Variants in PCDH15 observed in about 807,000 individuals in gnomAD.
PCDH15 encodes protocadherin related 15, also known as protocadherin-15.
A neutral mutation model predicts 178.5 loss-of-function variants in PCDH15; 129 were observed. The observed-to-expected ratio is 0.72, with a 90% CI of 0.63 to 0.84. PCDH15 has a LOEUF of 0.84. PCDH15 is among the 40% of genes least tolerant of loss of function. The pLI is 0.00. For synonymous variants in PCDH15, 800 were observed against 732.0 expected (o/e 1.09, Z -1.50); for missense variants, 2,230 against 2,099.9 (o/e 1.06, Z -1.21).
intron 2 of PCDH15, among the ~76,000 whole-genome samples, chr10:54,945,149 T>C (rs1458534597): frequency 1.3e-5 from 2 of 151,882 alleles, no homozygotes; most frequent in Admixed American, 6.6e-5. Flanking sequence ...TGTTGAAAGA[T>C]ACATAGAAAA....
intron 2 of PCDH15, among the ~76,000 whole-genome samples, chr10:55,571,961 TCTTG>T (rs1842414146): frequency 6.6e-6 from 1 of 152,094 alleles, no homozygotes; most frequent in African/African-American, 2.4e-5. Flanking sequence ...ATGCCACGTG[TCTTG>T]CTATAAACTT....
intron 15 of PCDH15, among the ~76,000 whole-genome samples, chr10:54,124,361 T>C (rs1158212005): frequency 6.6e-6 from 1 of 152,182 alleles, no homozygotes; most frequent in Non-Finnish European, 1.5e-5. Flanking sequence ...TAGTGTTTAC[T>C]GAGTACGGAG....
chr10:54,905,314 T>G (rs952960637), intron 2 of PCDH15, among the ~76,000 whole-genome samples: 111 of 152,250 alleles, frequency 7.3e-4, no homozygotes, highest in African/African-American at 2.6e-3. Flanking sequence ...TAATCATTAT[T>G]TTATCATCAT....
intron 2 of PCDH15, among the ~76,000 whole-genome samples, chr10:55,619,302 C>A (rs1843541220): frequency 6.6e-6 from 1 of 151,824 alleles, no homozygotes; most frequent in African/African-American, 2.4e-5. Context: ...AAAACTGCAT[C>A]AGAATTTTAA....
chr10:54,942,584 AT>A, intron 2 of PCDH15, among the ~76,000 whole-genome samples: 1 of 152,072 alleles, frequency 6.6e-6, no homozygotes, highest in East Asian at 1.9e-4. Flanking sequence ...CCTTAGTTGT[AT>A]TTTTCATACC....
chr10:55,127,000 GT>G (rs775165807), intron 2 of PCDH15, among the ~76,000 whole-genome samples: 10 of 151,638 alleles, frequency 6.6e-5, no homozygotes, highest in East Asian at 1.9e-4. Context: ...TCCTTCAGGT[GT>G]CCCCCCACCC....
At position 53,806,436 on chromosome 10, in the gene PCDH15, T is replaced by TC. The variant is rs1841161413; in HGVS notation, c.*142_*143insG. ...AACAATGTGAGTGCAAATCTGTCTC[T>TC]TAAAATTTTAAAGCATATTGTTCAA... is the stretch of plus-strand genomic sequence containing the variant. On this transcript the variant is annotated 3_prime_UTR_variant, in exon 38 of 38. Coordinates refer to ENST00000644397, the MANE Select transcript of PCDH15 (RefSeq NM_001384140.1). 1 of 726,212 alleles carries TC rather than the reference T, an allele frequency of 1.4e-6. No individual in the cohort carries two copies. Among genetic ancestry groups the TC allele is most frequent in the African/African-American group, 1.8e-5 (1 of 56,326 alleles). 45.0% of individuals were successfully genotyped at this position (726,212 alleles called of 1,614,324 possible). A position where few individuals can be genotyped will look rare whatever the true frequency, so the allele number is the denominator to read the frequency against.
chr10:55,359,657 T>C (rs1240076416), intron 2 of PCDH15, among the ~76,000 whole-genome samples: 1 of 145,968 alleles, frequency 6.9e-6, no homozygotes, highest in Non-Finnish European at 1.5e-5. Context: ...TTATTCACAA[T>C]CACCAAGATA....
At chr10:54,649,979 A>G (rs2094218026) in intron 2 of PCDH15, among the ~76,000 whole-genome samples, 1 of 152,114 alleles carries the variant, frequency 6.6e-6, no homozygotes. Context: ...ATTAATCACA[A>G]ATTGGGTCAT....
intron 20 of PCDH15, among the ~76,000 whole-genome samples, chr10:54,010,833 C>A (rs1300408459): frequency 2.6e-5 from 4 of 152,162 alleles, no homozygotes; most frequent in Non-Finnish European, 5.9e-5. Flanking sequence ...CTCGGGAGCA[C>A]GGAACAGCCA....
At chr10:55,486,581 G>A (rs1840303333) in intron 2 of PCDH15, among the ~76,000 whole-genome samples, 1 of 151,596 alleles carries the variant, frequency 6.6e-6, no homozygotes, top group Admixed American at 6.6e-5. Context: ...TTGGAAAGAG[G>A]TAATGAACAT....
intron 2 of PCDH15, among the ~76,000 whole-genome samples, chr10:54,608,547 G>A (rs2092849232): frequency 6.6e-6 from 1 of 151,906 alleles, no homozygotes; most frequent in Non-Finnish European, 1.5e-5. Context: ...GGATATCTAG[G>A]CTGCAGTGAT....
chr10:53,924,277 G>A (rs866694551), intron 25 of PCDH15, among the ~76,000 whole-genome samples: 3 of 152,304 alleles, frequency 2.0e-5, no homozygotes, highest in Non-Finnish European at 2.9e-5. Flanking sequence ...CACTCAGAGC[G>A]GCCGGCTGGC....
intron 2 of PCDH15, among the ~76,000 whole-genome samples, chr10:54,980,301 A>G (rs1159395028): frequency 2.6e-5 from 4 of 152,188 alleles, no homozygotes; most frequent in Non-Finnish European, 4.4e-5. Context: ...ACACATATCT[A>G]TATTTAATTT....
In PCDH15 at chr10:55,161,414, C is replaced by G. The variant is rs186873952; in HGVS notation, c.-80+5162G>C. Among the ~76,000 whole-genome samples the G allele has an allele frequency of 1.6e-3, 237 of 152,142 alleles. 2 individuals carry two copies. Among genetic ancestry groups the G allele is most frequent in the African/African-American group, 5.3e-3 (222 of 41,514 alleles). Reference sequence around the variant, plus strand: ...GAAAATTCCAGCACACAGGCCAAATCCAGCCCAGTGGGCTGATTTGATAAA... The same window carrying G: ...GAAAATTCCAGCACACAGGCCAAATGCAGCCCAGTGGGCTGATTTGATAAA... On this transcript the variant is annotated intron_variant, in intron 2 of 5. Transcript: ENST00000458638.
intron 10 of PCDH15, among the ~76,000 whole-genome samples, chr10:54,202,272 T>C (rs994622342): frequency 1.3e-5 from 2 of 151,892 alleles, no homozygotes; most frequent in African/African-American, 4.8e-5. Flanking sequence ...AATACCTAGT[T>C]CTTAGAACCT....
At chr10:54,147,422 G>A (rs553887750) in intron 14 of PCDH15, among the ~76,000 whole-genome samples, 1 of 151,852 alleles carries the variant, frequency 6.6e-6, no homozygotes, top group African/African-American at 2.4e-5. Flanking sequence ...TTTTACTTAA[G>A]TAAAAAACAT....
intron 1 of PCDH15, among the ~76,000 whole-genome samples, chr10:54,693,272 AAAGT>A (rs1449036802): frequency 2.0e-5 from 3 of 151,942 alleles, no homozygotes; most frequent in Non-Finnish European, 4.4e-5. Flanking sequence ...TTCTTTCCTG[AAAGT>A]AAGTTACACT....
At chr10:55,458,586 C>T (rs1293402458) in intron 2 of PCDH15, among the ~76,000 whole-genome samples, 1 of 151,938 alleles carries the variant, frequency 6.6e-6, no homozygotes, top group African/African-American at 2.4e-5. Flanking sequence ...ATAAGAAACA[C>T]CAGTGTCTAT....
Sources: allele counts gnomAD v4.1 joint callset (sites outside exome capture counted in the v4.1 genomes callset), GRCh38; gene constraint gnomAD v4.1.1; transcripts MANE v1.5; gene names NCBI Gene and HGNC (gene_info 2026-07-23, HGNC 2026-07-21).